The following ZNF583 variants were observed in gnomAD, a reference collection of about 807,000 sequenced individuals.
ZNF583 encodes the protein zinc finger protein L3-5.
ZNF583 carries 30 observed loss-of-function variants against 55.3 expected under a neutral mutation model. That is an observed-to-expected ratio of 0.54 (90% CI 0.41 to 0.74). The LOEUF (loss-of-function observed/expected upper bound fraction) is 0.74. ZNF583 is among the 30% of genes least tolerant of loss of function. The pLI, the probability that ZNF583 is intolerant of heterozygous loss-of-function variation, is 0.00. For synonymous variants in ZNF583, 208 were observed against 220.0 expected (o/e 0.95, Z 0.48); for missense variants, 504 against 664.7 (o/e 0.76, Z 2.66).
intron 1 of ZNF583, among the ~76,000 whole-genome samples, chr19:56,405,979 GTAATGGCTTTAT>G (rs1314001215): frequency 2.6e-5 from 4 of 152,174 alleles, no homozygotes; most frequent in African/African-American, 9.7e-5. Flanking sequence ...CACTTCATAG[GTAATGGCTTTAT>G]TCTTCAAGGC....
chr19:56,424,287 T>A lies in ZNF583; in HGVS notation c.1629T>A (p.Thr543=). 1 of 1,613,918 alleles carries A rather than the reference T, an allele frequency of 6.2e-7. No individual in the cohort carries two copies. The highest frequency in any genetic ancestry group is 8.5e-7 in the Non-Finnish European group (1 of 1,179,894). ...AHLAHHERIH[T]MESFLTLSSP... is the part of the protein sequence containing the mutation. ...TTGCTCATCATGAGAGAATTCATAC[T>A]ATGGAGTCATTCTTGACTCTTTCCT... The change falls in exon 5 of 5, where the codon ACT becomes ACA. Residue 543 remains threonine (T), a synonymous_variant. Coordinates refer to ENST00000333201, the MANE Select transcript of ZNF583 (RefSeq NM_152478.3).
At chr19:56,412,404 T>G (rs1305836544) in intron 2 of ZNF583, among the ~76,000 whole-genome samples, 1 of 152,248 alleles carries the variant, frequency 6.6e-6, no homozygotes, top group Non-Finnish European at 1.5e-5. Flanking sequence ...TTAAAGATCC[T>G]TAATTCAACA....
At chr19:56,416,203 G>A (rs2147586275) in intron 4 of ZNF583, among the ~76,000 whole-genome samples, 1 of 151,436 alleles carries the variant, frequency 6.6e-6, no homozygotes, top group African/African-American at 2.4e-5. Flanking sequence ...GCAGGCTCCT[G>A]TAATCCCAGC....
chr19:56,407,683 T>C (rs2042176199), intron 2 of ZNF583, among the ~76,000 whole-genome samples: 1 of 152,198 alleles, frequency 6.6e-6, no homozygotes, highest in Admixed American at 6.5e-5. Flanking sequence ...CAGGGAATAA[T>C]GAGGTACCAT....
Position 56,405,107 on chromosome 19 carries a change from C to T in ZNF583, c.-90+655C>T, listed in dbSNP as rs527312274. On this transcript the variant is annotated intron_variant, in intron 1 of 4. Coordinates refer to ENST00000333201, the MANE Select transcript of ZNF583 (RefSeq NM_152478.3). ...GTGTGTGGCTGTTGATATGGGACCA[C>T]ATGAAACTGCGACAGAATTTGTGTG... 6.2e-4 allele frequency among the ~76,000 whole-genome samples: 94 copies of T among 151,938 alleles called. 1 individual carries two copies. The highest frequency in any genetic ancestry group is 3.4e-3 in the Middle Eastern group (1 of 294).
chr19:56,420,254 A>C (rs2042392824), intron 4 of ZNF583, among the ~76,000 whole-genome samples: 1 of 152,196 alleles, frequency 6.6e-6, no homozygotes. Flanking sequence ...TTTAAAAATC[A>C]ATAACCTCTA....
intron 2 of ZNF583, among the ~76,000 whole-genome samples, chr19:56,412,597 CAT>C (rs1422176773): frequency 2.0e-5 from 3 of 152,166 alleles, no homozygotes; most frequent in Non-Finnish European, 2.9e-5. Context: ...TATTTTGTCT[CAT>C]GTAGCATGAT....
intron 4 of ZNF583, among the ~76,000 whole-genome samples, chr19:56,418,423 A>AAAATAAT (rs1226335593): frequency 2.0e-5 from 3 of 152,168 alleles, no homozygotes; most frequent in African/African-American, 7.2e-5. Context: ...AGAAAAAGGA[A>AAAATAAT]AAATAATAAA....
intron 2 of ZNF583, among the ~76,000 whole-genome samples, chr19:56,408,025 T>A (rs1378231202): frequency 6.6e-6 from 1 of 152,160 alleles, no homozygotes; most frequent in Non-Finnish European, 1.5e-5. Flanking sequence ...AATAAACACC[T>A]TGTGCCAAGT....
chr19:56,418,165 A>C (rs1482784566), intron 4 of ZNF583, among the ~76,000 whole-genome samples: 1 of 152,216 alleles, frequency 6.6e-6, no homozygotes, highest in African/African-American at 2.4e-5. Context: ...CTGCTCAAAA[A>C]ACTTAGATTT....
At chr19:56,422,036 T>C (rs765108745) in intron 4 of ZNF583, among the ~76,000 whole-genome samples, 1 of 152,190 alleles carries the variant, frequency 6.6e-6, no homozygotes, top group Admixed American at 6.5e-5. Context: ...ACAGCAAGTC[T>C]GGTGCTCCTA....
At chr19:56,419,287 C>G (rs1015021819) in intron 4 of ZNF583, among the ~76,000 whole-genome samples, 1 of 151,722 alleles carries the variant, frequency 6.6e-6, no homozygotes, top group African/African-American at 2.4e-5. Flanking sequence ...CCTCCACCTC[C>G]CGGGTTCAAG....
At position 56,406,945 on chromosome 19, in the gene ZNF583, G is replaced by T. The variant is rs1393279015; in HGVS notation, c.-89-81G>T. On this transcript the variant is annotated intron_variant, in intron 1 of 4. Transcript: ENST00000333201. ...CTGAGGTTGGGGAAAGAAGGAGAAA[G>T]AGAAGGAAAGGTTTCTAGGCTGATG... The T allele has an allele frequency of 4.9e-6, 3 of 614,950 alleles. No homozygotes were observed. The African/African-American group carries it at 5.6e-5, about 12-fold the overall frequency. 38.1% of individuals were successfully genotyped at this position (614,950 alleles called of 1,614,324 possible).
At chr19:56,411,107 T>C (rs2042231185) in intron 2 of ZNF583, among the ~76,000 whole-genome samples, 1 of 147,622 alleles carries the variant, frequency 6.8e-6, no homozygotes, top group Non-Finnish European at 1.5e-5. Flanking sequence ...GGCAACATAG[T>C]GAGACATCAT....
In ZNF583 at chr19:56,424,124, A is replaced by T; in HGVS notation, c.1466A>T (p.Glu489Val). 1 of 1,612,252 alleles carries T rather than the reference A, an allele frequency of 6.2e-7. No homozygotes were observed. Among genetic ancestry groups the T allele is most frequent in the Non-Finnish European group, 8.5e-7 (1 of 1,178,602 alleles). Reference sequence around the variant, plus strand: ...CAACATCAGAGAATTCATACTGGAGAGAAACCTTATGAATGTAATGTTTGT... The same window carrying T: ...CAACATCAGAGAATTCATACTGGAGTGAAACCTTATGAATGTAATGTTTGT... ...LAQHQRIHTG[E>V]KPYECNVCGK... The change falls in exon 5 of 5, where the codon GAG (glutamate) becomes GTG (valine). Residue 489 changes from glutamate (E) to valine (V), a missense_variant. Glu to Val is a moderately radical substitution (Grantham distance 121, BLOSUM62 -2). This residue lies in a region of ZNF583 where 237 missense variants were observed against 373.0 expected (regional missense o/e 0.64). Coordinates refer to ENST00000333201, the MANE Select transcript of ZNF583 (RefSeq NM_152478.3).
intron 4 of ZNF583, among the ~76,000 whole-genome samples, chr19:56,418,217 C>G (rs1187373031): frequency 5.3e-5 from 8 of 152,114 alleles, no homozygotes; most frequent in Non-Finnish European, 1.5e-5. Context: ...TTGAAAAAAA[C>G]TGACCTCTTA....
At chr19:56,404,041 A>G (rs2042105108), upstream of ZNF583, 1 of 152,532 alleles carries the variant, frequency 6.6e-6, no homozygotes, top group Non-Finnish European at 1.5e-5. This position sits in a 1 kb window ranked among gnomAD's most constrained non-coding sequence, Gnocchi z 5.2. Flanking sequence ...CCGCGCTGGC[A>G]CCCCGGCCTG....
chr19:56,414,492 C>A, intron 4 of ZNF583, 52 bp downstream of exon 4: 1 of 1,521,176 alleles, frequency 6.6e-7, no homozygotes, highest in Non-Finnish European at 9.0e-7. Context: ...AAAAGCTCAG[C>A]AATTCTGAAA....
chr19:56,426,185 C>T lies in ZNF583; in HGVS notation c.*1817C>T, dbSNP rs1170277878. ...GTGAACATACATATTCATGCTGTTA[C>T]ACATATAAAGAAAATTATAACAAAA... On this transcript the variant is annotated 3_prime_UTR_variant, in exon 5 of 5. Coordinates refer to ENST00000333201, the MANE Select transcript of ZNF583 (RefSeq NM_152478.3). 6.6e-6 allele frequency: 1 copy of T among 152,146 alleles called. No homozygotes were observed. The allele number at this position is 152,146 out of a possible 1,614,324, so 9.4% of individuals were successfully genotyped here.
Sources: allele counts gnomAD v4.1 joint callset (sites outside exome capture counted in the v4.1 genomes callset), GRCh38; gene constraint gnomAD v4.1.1; regional missense constraint gnomAD v4.1.1; non-coding constraint Gnocchi (gnomAD v3.1); transcripts MANE v1.5; gene names NCBI Gene and HGNC (gene_info 2026-07-23, HGNC 2026-07-21).